The following PDE3B variants were observed in gnomAD, a reference collection of about 807,000 sequenced individuals.
The protein encoded by PDE3B is cGMP-inhibited 3',5'-cyclic phosphodiesterase 3B.
Under a neutral mutation model 116.8 loss-of-function variants are expected in PDE3B, and 66 were observed. The observed-to-expected ratio is 0.56, with a 90% CI of 0.46 to 0.69. PDE3B has a LOEUF of 0.69. PDE3B is among the 30% of genes least tolerant of loss of function. The pLI is 0.00. For synonymous variants in PDE3B, 595 were observed against 533.6 expected (o/e 1.12, Z -1.59); for missense variants, 1,384 against 1,368.1 (o/e 1.01, Z -0.18).
chr11:14,779,777 C>A (rs1053681969), intron 2 of PDE3B, among the ~76,000 whole-genome samples: 8 of 152,138 alleles, frequency 5.3e-5, no homozygotes, highest in African/African-American at 1.4e-4. Context: ...GCAAAATAAC[C>A]AGCTAACATC....
At chr11:14,829,815 A>G (rs987651634) in intron 7 of PDE3B, among the ~76,000 whole-genome samples, 6 of 152,058 alleles carry the variant, frequency 3.9e-5, no homozygotes, top group Non-Finnish European at 7.4e-5. Flanking sequence ...TATATGACAA[A>G]CCTGCACATG....
At chr11:14,875,896 G>T (rs965251156), downstream of PDE3B, among the ~76,000 whole-genome samples, 1 of 152,080 alleles carries the variant, frequency 6.6e-6, no homozygotes, top group South Asian at 2.1e-4. Flanking sequence ...AATTTGTCAG[G>T]CTTACATTAA....
At chr11:14,674,968 T>G (rs1854487404) in intron 1 of PDE3B, among the ~76,000 whole-genome samples, 1 of 152,196 alleles carries the variant, frequency 6.6e-6, no homozygotes, top group Admixed American at 6.5e-5. Flanking sequence ...ACCAAAGGGC[T>G]TGTAGAAATG....
At chr11:14,715,900 G>T (rs1855867808) in intron 1 of PDE3B, among the ~76,000 whole-genome samples, 1 of 152,122 alleles carries the variant, frequency 6.6e-6, no homozygotes, top group South Asian at 2.1e-4. Flanking sequence ...AGAAAATGTG[G>T]CACATAGTGG....
intron 1 of PDE3B, among the ~76,000 whole-genome samples, chr11:14,748,701 G>T (rs1342702943): frequency 6.6e-6 from 1 of 151,784 alleles, no homozygotes; most frequent in African/African-American, 2.4e-5. Flanking sequence ...AACTTATTTA[G>T]TTCTCTTTTT....
chr11:14,673,201 A>G (rs1198670677), intron 1 of PDE3B, among the ~76,000 whole-genome samples: 1 of 152,158 alleles, frequency 6.6e-6, no homozygotes, highest in Non-Finnish European at 1.5e-5. Flanking sequence ...GAGTGTGTTC[A>G]GTTATATACA....
rs6486201 is a variant in PDE3B at position 14,757,629 on chromosome 11, C to T, written c.979-14308C>T. On this transcript the variant is annotated intron_variant, in intron 1 of 15. Coordinates refer to ENST00000282096, the MANE Select transcript of PDE3B (RefSeq NM_000922.4). ...TTGAGAAGTGTCTGTTCATGTCCTTCACCCACTTGTTGATGGGGTTGTGTG... is the reference window on the plus strand; with the variant it reads ...TTGAGAAGTGTCTGTTCATGTCCTTTACCCACTTGTTGATGGGGTTGTGTG... Among the ~76,000 whole-genome samples the T allele has an allele frequency of 4.6e-3, 214 of 46,564 alleles. 9 individuals carry two copies. The highest frequency in any genetic ancestry group is 0.037 in the Middle Eastern group (3 of 80). 30.5% of individuals were successfully genotyped at this position (46,564 alleles called of 152,430 possible). A position where few individuals can be genotyped will look rare whatever the true frequency, so the allele number is the denominator to read the frequency against.
At chr11:14,799,338 T>G (rs1397961505) in intron 4 of PDE3B, among the ~76,000 whole-genome samples, 1 of 152,060 alleles carries the variant, frequency 6.6e-6, no homozygotes, top group Non-Finnish European at 1.5e-5. Context: ...TGCTGAGGAG[T>G]GTTTTACTTC....
At chr11:14,668,284 T>C (rs1854248916) in intron 1 of PDE3B, among the ~76,000 whole-genome samples, 1 of 152,170 alleles carries the variant, frequency 6.6e-6, no homozygotes, top group Admixed American at 6.6e-5. Context: ...TTTTTTTGCA[T>C]GTATTTTGTG....
chr11:14,713,597 A>T (rs958894875), intron 1 of PDE3B, among the ~76,000 whole-genome samples: 2 of 152,026 alleles, frequency 1.3e-5, no homozygotes, highest in Admixed American at 6.6e-5. Context: ...CTTGGACTGA[A>T]ACTAAACCAT....
rs115656729 is a variant in PDE3B, at chr11:14,729,801, T to C, written c.979-42136T>C. 2.6e-3 allele frequency among the ~76,000 whole-genome samples: 401 copies of C among 152,310 alleles called. 1 individual carries two copies. The highest frequency in any genetic ancestry group is 9.4e-3 in the African/African-American group (389 of 41,574). ...TATTTAATGGAGTGTTCAAATACTT[T>C]GTAATAAAAACAATGGATGACTAAA... On this transcript the variant is annotated intron_variant, in intron 1 of 15. Coordinates refer to ENST00000282096, the MANE Select transcript of PDE3B (RefSeq NM_000922.4).
chr11:14,739,430 T>A (rs989561516), intron 1 of PDE3B, among the ~76,000 whole-genome samples: 3 of 152,214 alleles, frequency 2.0e-5, no homozygotes, highest in Non-Finnish European at 4.4e-5. Context: ...ATAGGAATCC[T>A]TGTGATTTTT....
At chr11:14,811,023 T>G (rs1033909937) in intron 5 of PDE3B, among the ~76,000 whole-genome samples, 17 of 152,320 alleles carry the variant, frequency 1.1e-4, no homozygotes, top group Admixed American at 9.2e-4. Flanking sequence ...TTGTTTGTTT[T>G]TTTCTTGTAA....
intron 4 of PDE3B, among the ~76,000 whole-genome samples, chr11:14,796,361 T>C (rs1858554009): frequency 6.6e-6 from 1 of 152,244 alleles, no homozygotes; most frequent in South Asian, 2.1e-4. Context: ...AATAGAATGC[T>C]TCATAATCCT....
chr11:14,891,104 C>T, the PDE3B span: 84 of 985,326 alleles, frequency 8.5e-5, no homozygotes, highest in Non-Finnish European at 9.9e-5. Context: ...TGAGCTCTGT[C>T]CCAGGACCCG....
chr11:14,857,951 G>T (rs1386440261), intron 12 of PDE3B, among the ~76,000 whole-genome samples: 1 of 152,100 alleles, frequency 6.6e-6, no homozygotes, highest in African/African-American at 2.4e-5. Context: ...TTTCTGTTTG[G>T]TATTTATAAT....
At chr11:14,786,217 A>G (rs1858189867) in intron 2 of PDE3B, among the ~76,000 whole-genome samples, 1 of 152,122 alleles carries the variant, frequency 6.6e-6, no homozygotes. Flanking sequence ...TTTAAAGTAA[A>G]TACAGATTTC....
rs1386473910 is a variant in PDE3B at position 14,697,534 on chromosome 11, T to C, written c.978+52481T>C. On this transcript the variant is annotated intron_variant, in intron 1 of 15. Transcript: ENST00000282096. ...GTCTGGTAGTGTCAGTTCTCAACTT[T>C]GTTCTTAAAGATTGCCTTGGCTAGT... Among the ~76,000 whole-genome samples, 3 of 152,144 alleles carry C rather than the reference T, an allele frequency of 2.0e-5. 1 individual carries two copies. Among genetic ancestry groups the C allele is most frequent in the Middle Eastern group, 6.3e-3 (2 of 316 alleles).
intron 2 of PDE3B, among the ~76,000 whole-genome samples, chr11:14,783,904 T>G (rs1565135558): frequency 6.6e-6 from 1 of 152,134 alleles, no homozygotes; most frequent in Non-Finnish European, 1.5e-5. Context: ...CTGTGGCCTG[T>G]TAGGAACTGG....
Sources: gnomAD v4.1 joint callset for allele counts (sites outside exome capture counted in the v4.1 genomes callset) on GRCh38, gnomAD v4.1.1 for gene constraint, MANE v1.5 for transcripts, NCBI Gene and HGNC (gene_info 2026-07-23, HGNC 2026-07-21) for gene names.